CASS4: variants seen among roughly 807,000 people sequenced by gnomAD.
CASS4 encodes the protein cas scaffolding protein family member 4.
In CASS4, 22 loss-of-function variants were observed where a neutral mutation model predicts 54.2. The ratio of observed to expected loss-of-function variants is 0.41; its 90% confidence interval spans 0.29 to 0.58. The LOEUF is 0.58. Ranked by LOEUF, CASS4 falls within the 20% of genes least tolerant of loss-of-function variation. The pLI is 0.36. For synonymous variants in CASS4, 409 were observed against 391.5 expected (o/e 1.04, Z -0.53); for missense variants, 854 against 986.7 (o/e 0.87, Z 1.80).
intron 1 of CASS4, among the ~76,000 whole-genome samples, chr20:56,428,873 G>A (rs994218098): frequency 7.2e-5 from 11 of 152,278 alleles, no homozygotes; most frequent in Non-Finnish European, 1.5e-4. Flanking sequence ...AGTCTTAGGT[G>A]CCACAAAGCA....
intron 5 of CASS4, chr20:56,453,897 G>C (rs1981163235): frequency 6.6e-6 from 1 of 152,008 alleles, no homozygotes; most frequent in African/African-American, 2.4e-5. Context: ...AGAAAAAAAA[G>C]AGTTGGGATA....
Position 56,449,419 on chromosome 20 carries a change from T to G in CASS4, c.562-1180T>G, listed in dbSNP as rs572949104. 1.3e-4 allele frequency among the ~76,000 whole-genome samples: 19 copies of G among 149,676 alleles called. No homozygotes were observed. In the South Asian group the frequency reaches 3.6e-3, roughly 28 times the overall value. On this transcript the variant is annotated intron_variant, in intron 3 of 5. Transcript: ENST00000679887. ...GTGGGAAATGAACAATGAGAACACT[T>G]GGACACAGGGTGGGGAACATCACAC...
At chr20:56,425,881 G>T (rs972021179) in intron 1 of CASS4, among the ~76,000 whole-genome samples, 4 of 152,168 alleles carry the variant, frequency 2.6e-5, no homozygotes, top group Non-Finnish European at 4.4e-5. Context: ...CTTCCAGAAA[G>T]ATGCTATACT....
chr20:56,434,710 C>G (rs1475750241), intron 1 of CASS4, among the ~76,000 whole-genome samples: 1 of 151,756 alleles, frequency 6.6e-6, no homozygotes, highest in East Asian at 1.9e-4. Flanking sequence ...TACCAAAGTG[C>G]TGGGATTACA....
At chr20:56,458,319 T>G (rs757116161) in intron 5 of CASS4, 21 bp from the exon 6 acceptor site, 4 of 1,592,340 alleles carry the variant, frequency 2.5e-6, no homozygotes, top group Non-Finnish European at 3.4e-6. Flanking sequence ...TCCTATCTAT[T>G]TTCTTCCTTC....
chr20:56,455,085 G>C (rs1338478115), intron 5 of CASS4, among the ~76,000 whole-genome samples: 1 of 151,670 alleles, frequency 6.6e-6, no homozygotes, highest in Non-Finnish European at 1.5e-5. Context: ...TTGATTTGGG[G>C]CTTGTATATC....
chr20:56,432,899 GGC>G (rs1979980185), intron 1 of CASS4, among the ~76,000 whole-genome samples: 1 of 152,044 alleles, frequency 6.6e-6, no homozygotes, highest in African/African-American at 2.4e-5. Context: ...TGTGGGCAGG[GGC>G]GTCACAGAAA....
intron 1 of CASS4, among the ~76,000 whole-genome samples, chr20:56,416,257 C>G (rs1221432611): frequency 1.3e-5 from 2 of 152,150 alleles, no homozygotes; most frequent in Non-Finnish European, 2.9e-5. Flanking sequence ...ACCATATTGG[C>G]CAGGCTGGTC....
At position 56,430,708 on chromosome 20, in the gene CASS4, G is replaced by T. The variant is rs888017196; in HGVS notation, c.37-6456G>T. Among the ~76,000 whole-genome samples, 1 of 152,188 alleles carries T rather than the reference G, an allele frequency of 6.6e-6. No individual in the cohort carries two copies. The highest frequency in any genetic ancestry group is 1.5e-5 in the Non-Finnish European group (1 of 68,024). ...ACGCCCAGCCTGACCATAACAGCCT[G>T]AGCCCAGCCAAAAGTGGGGTGGTCA... On this transcript the variant is annotated intron_variant, in intron 1 of 5. Coordinates refer to ENST00000679887, the MANE Select transcript of CASS4 (RefSeq NM_020356.4). The surrounding 1 kb of genome is among the most constrained non-coding windows in gnomAD (Gnocchi z 4.2).
At chr20:56,433,018 C>T (rs1389657723) in intron 1 of CASS4, among the ~76,000 whole-genome samples, 1 of 152,214 alleles carries the variant, frequency 6.6e-6, no homozygotes, top group East Asian at 1.9e-4. Context: ...TCACGCCTCT[C>T]TTTCATTCAT....
intron 1 of CASS4, among the ~76,000 whole-genome samples, chr20:56,435,832 C>T (rs1256074437): frequency 6.6e-6 from 1 of 152,174 alleles, no homozygotes; most frequent in Non-Finnish European, 1.5e-5. Context: ...CTCATTGCAA[C>T]CTCCGCCTCC....
intron 1 of CASS4, among the ~76,000 whole-genome samples, chr20:56,422,007 T>C (rs1405537549): frequency 6.6e-6 from 1 of 152,226 alleles, no homozygotes; most frequent in Admixed American, 6.5e-5. Context: ...GCGATTGCCC[T>C]GGGAAGCTAT....
Position 56,452,104 on chromosome 20 carries a change from C to G in CASS4, c.928C>G (p.Pro310Ala), listed in dbSNP as rs761263769. The change falls in exon 5 of 6, where the codon CCT becomes GCT. Residue 310 changes from proline to alanine, a missense_variant. Transcript: ENST00000679887. ...GAAAAAACTCAGCCTTCCAGAAATT[C>G]CTTCTTATGGCTTTCTTGTACCCAG... ...MQKKLSLPEI[P>A]SYGFLVPRGT... The G allele has an allele frequency of 6.2e-7, 1 of 1,614,190 alleles. No homozygotes were observed. The highest frequency in any genetic ancestry group is 1.3e-5 in the African/African-American group (1 of 75,036).
chr20:56,435,897 T>C (rs1169520807), intron 1 of CASS4, among the ~76,000 whole-genome samples: 1 of 152,080 alleles, frequency 6.6e-6, no homozygotes, highest in Non-Finnish European at 1.5e-5. Context: ...ACTACAGGCA[T>C]GCGCTACTCT....
chr20:56,446,006 G>T lies in CASS4; in HGVS notation c.561+5G>T, dbSNP rs576739832. ...CGGGGCCCCGTGGTCCTGAAGGTGA[G>T]CCTTGTTCAGGGGCCCCTCATCACC... is the stretch of plus-strand genomic sequence containing the variant. On this transcript the variant is annotated splice_donor_5th_base_variant and intron_variant, in intron 3 of 5. Transcript: ENST00000679887. The T allele has an allele frequency of 6.2e-7, 1 of 1,604,522 alleles. No homozygotes were observed. Among genetic ancestry groups the T allele is most frequent in the Non-Finnish European group, 8.5e-7 (1 of 1,173,970 alleles).
chr20:56,413,289 T>C (rs1252813699), intron 1 of CASS4, among the ~76,000 whole-genome samples: 1 of 152,036 alleles, frequency 6.6e-6, no homozygotes, highest in Non-Finnish European at 1.5e-5. Context: ...CCTTTTTAAA[T>C]TTTAAGTAGA....
At chr20:56,415,532 G>A (rs143303778) in intron 1 of CASS4, among the ~76,000 whole-genome samples, 10 of 152,304 alleles carry the variant, frequency 6.6e-5, no homozygotes, top group East Asian at 1.9e-4. Context: ...CTACCAATAC[G>A]TACTGGTGTT....
chr20:56,439,941 G>T (rs2146284056), intron 2 of CASS4, among the ~76,000 whole-genome samples: 1 of 152,318 alleles, frequency 6.6e-6, no homozygotes. Context: ...TGCAGGGAAA[G>T]GCCAAGCTCC....
chr20:56,443,929 G>A (rs927108253), intron 2 of CASS4, among the ~76,000 whole-genome samples: 14 of 152,318 alleles, frequency 9.2e-5, no homozygotes, highest in African/African-American at 2.9e-4. Context: ...GGAAAGCTGG[G>A]CTTCGAGAGC....
Sources: gnomAD v4.1 joint callset for allele counts (sites outside exome capture counted in the v4.1 genomes callset) on GRCh38, gnomAD v4.1.1 for gene constraint, Gnocchi (gnomAD v3.1) non-coding constraint, MANE v1.5 for transcripts, NCBI Gene and HGNC (gene_info 2026-07-23, HGNC 2026-07-21) for gene names.